Variants in DYNC1I2 observed in about 807,000 individuals in gnomAD.
DYNC1I2 encodes the protein dynein cytoplasmic 1 intermediate chain 2.
Under a neutral mutation model 88.6 loss-of-function variants are expected in DYNC1I2, and 53 were observed. The ratio of observed to expected loss-of-function variants is 0.60; its 90% CI spans 0.48 to 0.75. DYNC1I2 has a LOEUF of 0.75. Ranked by LOEUF, DYNC1I2 falls within the 30% of genes least tolerant of loss-of-function variation. The pLI is 0.00. For synonymous variants in DYNC1I2, 198 were observed against 254.6 expected, an observed-to-expected ratio of 0.78 and a Z score of 2.12; for missense variants, 458 against 766.6, an observed-to-expected ratio of 0.60 and a Z score of 4.75.
chr2:171,716,831 G>A (rs312916), intron 7 of DYNC1I2, among the ~76,000 whole-genome samples: 43,681 of 151,354 alleles, frequency 0.29, 6,613 homozygotes, highest in African/African-American at 0.38. Flanking sequence ...GCTTGAACCC[G>A]GGAGGCAGAG....
intron 15 of DYNC1I2, among the ~76,000 whole-genome samples, chr2:171,739,881 T>C (rs1422626240): frequency 6.6e-6 from 1 of 151,902 alleles, no homozygotes; most frequent in African/African-American, 2.4e-5. Flanking sequence ...AATTTTTATA[T>C]TTTTTGTAGA....
chr2:171,723,895 A>G (rs1348408958), intron 7 of DYNC1I2, among the ~76,000 whole-genome samples: 1 of 152,170 alleles, frequency 6.6e-6, no homozygotes, highest in African/African-American at 2.4e-5. Flanking sequence ...TCCATTCTGA[A>G]TGTTTGGCAG....
At chr2:171,731,000 G>T (rs1158433618) in intron 15 of DYNC1I2, among the ~76,000 whole-genome samples, 1 of 152,156 alleles carries the variant, frequency 6.6e-6, no homozygotes, top group African/African-American at 2.4e-5. Flanking sequence ...GCATTTTCAG[G>T]TTTGTCATTA....
chr2:171,704,654 T>C (rs890236981), intron 3 of DYNC1I2, among the ~76,000 whole-genome samples: 1 of 152,218 alleles, frequency 6.6e-6, no homozygotes, highest in Non-Finnish European at 1.5e-5. Context: ...ATTCCAGAAG[T>C]GAGTCTTTTC....
chr2:171,736,781 A>G (rs759559572), intron 15 of DYNC1I2, among the ~76,000 whole-genome samples: 4 of 152,174 alleles, frequency 2.6e-5, no homozygotes, highest in Non-Finnish European at 5.9e-5. Context: ...TGACCTTGGA[A>G]TCCATTTCTT....
At chr2:171,721,655 A>G (rs901994369) in intron 7 of DYNC1I2, among the ~76,000 whole-genome samples, 1 of 152,184 alleles carries the variant, frequency 6.6e-6, no homozygotes, top group African/African-American at 2.4e-5. Context: ...ATATTTTTAT[A>G]TGCAGCAAAT....
intron 5 of DYNC1I2, among the ~76,000 whole-genome samples, chr2:171,711,205 G>A (rs184162465): frequency 2.0e-5 from 3 of 152,104 alleles, no homozygotes; most frequent in East Asian, 3.9e-4. Context: ...GTTTCATCGC[G>A]TTGGCCAGGC....
At chr2:171,745,561 T>A (rs1190722316) in intron 16 of DYNC1I2, among the ~76,000 whole-genome samples, 1 of 152,210 alleles carries the variant, frequency 6.6e-6, no homozygotes, top group Non-Finnish European at 1.5e-5. Flanking sequence ...TTCAAAATAA[T>A]GTGTCTAGTC....
chr2:171,699,770 G>A (rs1385088142), intron 3 of DYNC1I2, among the ~76,000 whole-genome samples: 1 of 151,912 alleles, frequency 6.6e-6, no homozygotes, highest in Non-Finnish European at 1.5e-5. Context: ...CTAAGTAGCT[G>A]GGACTACAGG....
At position 171,727,937 on chromosome 2, in the gene DYNC1I2, A is replaced by G. The variant is rs761162384; in HGVS notation, c.1113A>G (p.Gln371=). Residue 371 remains glutamine (Q), a synonymous_variant, in exon 12 of 18, where the codon CAA becomes CAG. Transcript: ENST00000397119. ...GTAGCAATAAAAGAACTCCAGTGCA[A>G]AGAACTCCACTGTCAGCAGCTGCAC... ...DNRSNKRTPV[Q]RTPLSAAAHT... is the part of the protein sequence containing the mutation. 6.2e-6 allele frequency: 10 copies of G among 1,613,206 alleles called. No individual in the cohort carries two copies. The highest frequency in any genetic ancestry group is 5.0e-5 in the Admixed American group (3 of 59,932).
intron 3 of DYNC1I2, among the ~76,000 whole-genome samples, chr2:171,698,117 T>C (rs1014687712): frequency 1.3e-5 from 2 of 152,224 alleles, no homozygotes; most frequent in Non-Finnish European, 2.9e-5. Context: ...ATTAATTTCT[T>C]TATCAGCCTT....
intron 16 of DYNC1I2, 129 bp downstream of exon 16, chr2:171,744,318 C>G: frequency 1.0e-6 from 1 of 982,018 alleles, no homozygotes; most frequent in South Asian, 1.9e-5. Flanking sequence ...TCACAAAGAA[C>G]TCAAATAAGC....
chr2:171,704,206 T>C (rs1686491594), intron 3 of DYNC1I2, among the ~76,000 whole-genome samples: 1 of 152,206 alleles, frequency 6.6e-6, no homozygotes. Context: ...GTTAATTTTA[T>C]ATCCTTGGAA....
intron 15 of DYNC1I2, among the ~76,000 whole-genome samples, chr2:171,742,082 A>G (rs13018768): frequency 0.29 from 43,844 of 151,282 alleles, 6,722 homozygotes; most frequent in African/African-American, 0.38. Flanking sequence ...AAAAAAAAAA[A>G]AAGTTTCATA....
At chr2:171,744,700 A>G (rs1689667584) in intron 16 of DYNC1I2, among the ~76,000 whole-genome samples, 1 of 152,228 alleles carries the variant, frequency 6.6e-6, no homozygotes, top group African/African-American at 2.4e-5. Context: ...TAAAATGAAT[A>G]TAGAAACTAT....
At chr2:171,713,357 T>C (rs1687261686) in intron 6 of DYNC1I2, among the ~76,000 whole-genome samples, 1 of 151,950 alleles carries the variant, frequency 6.6e-6, no homozygotes. Context: ...TGGATGAATA[T>C]TCTTAATATA....
Position 171,744,051 on chromosome 2 carries a change from T to G in DYNC1I2, c.1539T>G (p.Asn513Lys). The G allele has an allele frequency of 1.2e-6, 2 of 1,608,176 alleles. No homozygotes were observed. The highest frequency in any genetic ancestry group is 1.1e-5 in the South Asian group (1 of 89,552). ...AAGAATCAACTTTTCTCTTTCAGAATAACAAGCCTTTGTATTCATTTGAAG... is the reference window on the plus strand; with the variant it reads ...AAGAATCAACTTTTCTCTTTCAGAAGAACAAGCCTTTGTATTCATTTGAAG... ...DWTVKLWTTK[N>K]NKPLYSFEDN... The change falls in exon 16 of 18, where the codon AAT (asparagine) becomes AAG (lysine). Residue 513 changes from asparagine (N) to lysine (K), a missense_variant and splice_region_variant. Physicochemically the swap from Asn to Lys is moderately conservative, Grantham distance 94 (BLOSUM62 0). Transcript: ENST00000397119.
chr2:171,714,219 A>T (rs1297132357), intron 6 of DYNC1I2, among the ~76,000 whole-genome samples: 2 of 151,900 alleles, frequency 1.3e-5, no homozygotes, highest in Non-Finnish European at 2.9e-5. Context: ...TTTATTTCTA[A>T]ACTAGAAAAG....
At chr2:171,693,640 G>A (rs1685547605) in intron 3 of DYNC1I2, among the ~76,000 whole-genome samples, 1 of 152,186 alleles carries the variant, frequency 6.6e-6, no homozygotes, top group East Asian at 1.9e-4. Flanking sequence ...GACAAATACT[G>A]GAGATTGTAA....
Sources: gnomAD v4.1 joint callset for allele counts (sites outside exome capture counted in the v4.1 genomes callset) on GRCh38, gnomAD v4.1.1 for gene constraint, MANE v1.5 for transcripts, NCBI Gene and HGNC (gene_info 2026-07-23, HGNC 2026-07-21) for gene names.